Variants in ULK2 observed in about 807,000 individuals in gnomAD.
ULK2 encodes serine/threonine-protein kinase ULK2.
A neutral mutation model predicts 127.5 loss-of-function variants in ULK2; 76 were observed. The ratio of observed to expected loss-of-function variants is 0.60; its 90% CI spans 0.50 to 0.72. The LOEUF (loss-of-function observed/expected upper bound fraction) is 0.72, where lower values mean the gene tolerates loss of function less well. Among genes scored for constraint, ULK2 ranks in the 30% least tolerant of loss-of-function variants. The pLI, the probability that ULK2 is intolerant of heterozygous loss-of-function variation, is 0.00. For synonymous variants in ULK2, 452 were observed against 461.9 expected (o/e 0.98, Z 0.28); for missense variants, 1,144 against 1,295.9 (o/e 0.88, Z 1.80).
chr17:19,809,286 G>T (rs986082499), intron 14 of ULK2, among the ~76,000 whole-genome samples: 1 of 152,078 alleles, frequency 6.6e-6, no homozygotes, highest in African/African-American at 2.4e-5. Flanking sequence ...AAGGGGAAAC[G>T]GGGAGGTAAT....
chr17:19,804,337 A>G (rs1218410640), intron 15 of ULK2, among the ~76,000 whole-genome samples: 1 of 152,042 alleles, frequency 6.6e-6, no homozygotes, highest in African/African-American at 2.4e-5. Flanking sequence ...AGGATGGGGG[A>G]AAAAGTAAAC....
At chr17:19,863,355 AAAAG>A (rs1472578498) in intron 3 of ULK2, among the ~76,000 whole-genome samples, 1 of 152,214 alleles carries the variant, frequency 6.6e-6, no homozygotes, top group Non-Finnish European at 1.5e-5. Flanking sequence ...CAGACTAAGC[AAAAG>A]AAAGAAATTA....
intron 10 of ULK2, among the ~76,000 whole-genome samples, chr17:19,836,920 T>TAAAAC (rs2041612902): frequency 6.7e-6 from 1 of 149,254 alleles, no homozygotes; most frequent in South Asian, 2.1e-4. Flanking sequence ...CAAAACAAAA[T>TAAAAC]AAAACAAAAC....
Position 19,786,099 on chromosome 17 carries a change from G to A in ULK2, c.2102-13C>T, listed in dbSNP as rs1315888461. 39 of 1,556,950 alleles carry A rather than the reference G, an allele frequency of 2.5e-5. No individual in the cohort carries two copies. Among genetic ancestry groups the A allele is most frequent in the Non-Finnish European group, 3.2e-5 (37 of 1,160,134 alleles). Reference sequence around the variant, plus strand: ...GCTCCTGCCGGAGCTACAACAAAAAGTTTATAGAAGGTCATATTACCCTGA... The same window carrying A: ...GCTCCTGCCGGAGCTACAACAAAAAATTTATAGAAGGTCATATTACCCTGA... On this transcript the variant is annotated splice_polypyrimidine_tract_variant and intron_variant, in intron 20 of 26. Transcript: ENST00000395544.
At chr17:19,792,103 A>C (rs1214580072) in intron 20 of ULK2, among the ~76,000 whole-genome samples, 1 of 152,110 alleles carries the variant, frequency 6.6e-6, no homozygotes, top group African/African-American at 2.4e-5. Flanking sequence ...ATTTATAGCT[A>C]AAAGTGCCTA....
intron 12 of ULK2, among the ~76,000 whole-genome samples, chr17:19,819,873 G>A (rs1048126156): frequency 6.6e-6 from 1 of 151,984 alleles, no homozygotes; most frequent in Non-Finnish European, 1.5e-5. Context: ...CAACAATGAT[G>A]ATAAAATAAA....
At chr17:19,848,925 GTT>G (rs1234901176) in intron 5 of ULK2, among the ~76,000 whole-genome samples, 1 of 152,034 alleles carries the variant, frequency 6.6e-6, no homozygotes, top group Non-Finnish European at 1.5e-5. Context: ...TAATTTAAAT[GTT>G]ACCTTTAATG....
chr17:19,862,541 A>T (rs904365283), intron 3 of ULK2, among the ~76,000 whole-genome samples: 1 of 150,580 alleles, frequency 6.6e-6, no homozygotes, highest in African/African-American at 2.4e-5. Context: ...TCTCAGCTCA[A>T]TGTAACCTCT....
chr17:19,814,479 C>A (rs1260778252), intron 13 of ULK2, among the ~76,000 whole-genome samples: 17 of 73,552 alleles, frequency 2.3e-4, no homozygotes, highest in Non-Finnish European at 4.3e-4. Flanking sequence ...CAGGGTCTTG[C>A]TCTGTTGCCC....
At chr17:19,794,435 C>T (rs2087221319) in intron 20 of ULK2, among the ~76,000 whole-genome samples, 1 of 151,984 alleles carries the variant, frequency 6.6e-6, no homozygotes, top group South Asian at 2.1e-4. Flanking sequence ...ACAGAAAACA[C>T]CAAGCAGAAT....
chr17:19,797,999 G>A (rs1320373875), intron 17 of ULK2, among the ~76,000 whole-genome samples: 1 of 152,150 alleles, frequency 6.6e-6, no homozygotes, highest in East Asian at 1.9e-4. Flanking sequence ...AATGATTAAA[G>A]TTAATGAATA....
intron 16 of ULK2, 128 bp from the exon 17 acceptor site, chr17:19,799,703 A>C: frequency 1.2e-6 from 1 of 826,830 alleles, no homozygotes; most frequent in Non-Finnish European, 1.8e-6. Flanking sequence ...TTAAGTAACA[A>C]ACGTTTAGTT....
Position 19,772,010 on chromosome 17 carries a change from G to T in ULK2, c.*4339C>A. ...TGAAAAGTGGAAAAACCTACAGATT[G>T]ATCCCACCTGTTCAGAGCAACAGGC... On this transcript the variant is annotated 3_prime_UTR_variant, in exon 27 of 27. Transcript: ENST00000395544. 1 of 152,470 alleles carries T rather than the reference G, an allele frequency of 6.6e-6. No homozygotes were observed. Among genetic ancestry groups the T allele is most frequent in the Non-Finnish European group, 1.5e-5 (1 of 68,168 alleles). The allele number at this position is 152,470 out of a possible 1,614,324, so 9.4% of individuals were successfully genotyped here.
chr17:19,798,863 C>CAGGA (rs2087331428), intron 17 of ULK2, among the ~76,000 whole-genome samples: 1 of 151,924 alleles, frequency 6.6e-6, no homozygotes, highest in African/African-American at 2.4e-5. Flanking sequence ...ATGGCTCTTA[C>CAGGA]CAAAAATGGT....
intron 22 of ULK2, among the ~76,000 whole-genome samples, chr17:19,782,734 G>A (rs1349918701): frequency 1.3e-5 from 2 of 152,100 alleles, no homozygotes; most frequent in African/African-American, 2.4e-5. Flanking sequence ...TGGCCAACAT[G>A]GCGAAATCCC....
chr17:19,832,577 T>C (rs1423784426), intron 10 of ULK2, among the ~76,000 whole-genome samples: 2 of 152,160 alleles, frequency 1.3e-5, no homozygotes, highest in Non-Finnish European at 2.9e-5. Flanking sequence ...CTTGAACTTT[T>C]AGTGCATTCC....
chr17:19,850,583 T>C (rs1168559878), intron 3 of ULK2, among the ~76,000 whole-genome samples: 1 of 152,148 alleles, frequency 6.6e-6, no homozygotes, highest in African/African-American at 2.4e-5. Flanking sequence ...TCCCAGCACT[T>C]TGGGAGGCCG....
intron 13 of ULK2, among the ~76,000 whole-genome samples, chr17:19,816,082 T>C (rs552737136): frequency 2.0e-5 from 3 of 152,310 alleles, no homozygotes; most frequent in South Asian, 4.1e-4. Flanking sequence ...AAATAAGCAC[T>C]AGACGAACAA....
chr17:19,854,222 G>C (rs2042077141), intron 3 of ULK2, among the ~76,000 whole-genome samples: 1 of 149,756 alleles, frequency 6.7e-6, no homozygotes, highest in African/African-American at 2.5e-5. Context: ...AGGTTGCAGT[G>C]AGCCAAGATT....
Sources: gnomAD v4.1 joint callset for allele counts (sites outside exome capture counted in the v4.1 genomes callset) on GRCh38, gnomAD v4.1.1 for gene constraint, MANE v1.5 for transcripts, NCBI Gene and HGNC (gene_info 2026-07-23, HGNC 2026-07-21) for gene names.